The following TRPM3 variants were observed in gnomAD, a reference collection of about 807,000 sequenced individuals.
TRPM3 encodes long transient receptor potential channel 3.
TRPM3 carries 77 observed loss-of-function variants against 181.2 expected under a neutral mutation model. The ratio of observed to expected loss-of-function variants is 0.42; its 90% CI spans 0.35 to 0.51. The LOEUF (loss-of-function observed/expected upper bound fraction) is 0.51. TRPM3 is among the 20% of genes least tolerant of loss of function. The pLI is 0.01. For missense variants in TRPM3, 1,759 were observed against 2,196.7 expected (o/e 0.80, Z 3.98); for synonymous variants, 745 against 796.4 (o/e 0.94, Z 1.09).
intron 1 of TRPM3, among the ~76,000 whole-genome samples, chr9:71,111,777 T>C (rs946183858): frequency 1.3e-5 from 2 of 152,218 alleles, no homozygotes; most frequent in Non-Finnish European, 2.9e-5. Flanking sequence ...CTTTCCAATA[T>C]TTTCTTCTAG....
intron 9 of TRPM3, among the ~76,000 whole-genome samples, chr9:70,674,857 CA>C (rs2063689891): frequency 6.7e-6 from 1 of 150,028 alleles, no homozygotes; most frequent in Admixed American, 6.7e-5. Flanking sequence ...TGAGCCATTG[CA>C]CCCAGCATAT....
At chr9:70,943,773 C>CT (rs1281495043) in intron 1 of TRPM3, among the ~76,000 whole-genome samples, 4 of 152,066 alleles carry the variant, frequency 2.6e-5, no homozygotes, top group Non-Finnish European at 5.9e-5. Flanking sequence ...TGATTTCTTT[C>CT]TTTTTTCTTT....
intron 8 of TRPM3, among the ~76,000 whole-genome samples, chr9:70,700,798 G>A (rs2072277623): frequency 6.6e-6 from 1 of 152,178 alleles, no homozygotes; most frequent in Non-Finnish European, 1.5e-5. Flanking sequence ...ATGTAGACGT[G>A]CACACATGTA....
chr9:71,021,828 A>G (rs1486209237), intron 1 of TRPM3, among the ~76,000 whole-genome samples: 1 of 152,204 alleles, frequency 6.6e-6, no homozygotes, highest in Non-Finnish European at 1.5e-5. Flanking sequence ...GAAGGAATAG[A>G]GATGAACTGA....
chr9:71,249,006 C>T (rs1201623209), intron 1 of TRPM3, among the ~76,000 whole-genome samples: 1 of 152,112 alleles, frequency 6.6e-6, no homozygotes, highest in African/African-American at 2.4e-5. Context: ...TTTTAAAGAG[C>T]AGGCAATGAA....
At chr9:71,320,330 A>C (rs571621644) in intron 1 of TRPM3, among the ~76,000 whole-genome samples, 3 of 152,202 alleles carry the variant, frequency 2.0e-5, no homozygotes, top group South Asian at 2.1e-4. Context: ...AAAAAAAAAA[A>C]AACAAATGCT....
intron 1 of TRPM3, among the ~76,000 whole-genome samples, chr9:70,943,212 T>G (rs565258756): frequency 6.1e-4 from 93 of 152,342 alleles, no homozygotes; most frequent in African/African-American, 2.2e-3. Context: ...GGCTGAAGTA[T>G]AATCTCTTGC....
At chr9:71,060,672 C>T (rs2061227494) in intron 1 of TRPM3, among the ~76,000 whole-genome samples, 1 of 152,132 alleles carries the variant, frequency 6.6e-6, no homozygotes, top group Non-Finnish European at 1.5e-5. Context: ...CATCTGTTTG[C>T]TTGACTCCTT....
chr9:70,952,566 C>G (rs1166873008), intron 1 of TRPM3, among the ~76,000 whole-genome samples: 2 of 152,128 alleles, frequency 1.3e-5, no homozygotes, highest in African/African-American at 4.8e-5. Flanking sequence ...AAAACATGGT[C>G]AGTTTTTGGA....
chr9:70,759,208 C>T (rs922242317), intron 8 of TRPM3, among the ~76,000 whole-genome samples: 5 of 152,052 alleles, frequency 3.3e-5, no homozygotes, highest in East Asian at 3.9e-4. Flanking sequence ...AGACACTTAA[C>T]GCAGCTAACA....
chr9:70,543,514 G>A (rs2044042503), intron 25 of TRPM3, among the ~76,000 whole-genome samples: 1 of 151,798 alleles, frequency 6.6e-6, no homozygotes, highest in South Asian at 2.1e-4. Context: ...CCCAGCCTCT[G>A]GTAACCATCC....
intron 1 of TRPM3, among the ~76,000 whole-genome samples, chr9:71,100,066 T>C (rs938140393): frequency 2.6e-5 from 4 of 152,194 alleles, no homozygotes; most frequent in Admixed American, 6.6e-5. Flanking sequence ...TCAGATCTTA[T>C]TGGTCACATC....
chr9:70,948,968 T>C (rs931062484), intron 1 of TRPM3, among the ~76,000 whole-genome samples: 2 of 152,174 alleles, frequency 1.3e-5, no homozygotes, highest in Non-Finnish European at 2.9e-5. Context: ...CTTGATGTTG[T>C]GTTTTTAGGG....
chr9:71,346,877 G>A (rs184425390), intron 1 of TRPM3, among the ~76,000 whole-genome samples: 5 of 40,848 alleles, frequency 1.2e-4, no homozygotes, highest in Admixed American at 3.4e-4. Flanking sequence ...AATCTGTTTC[G>A]TATTTTTATT....
At chr9:71,004,675 A>C (rs1267399711) in intron 1 of TRPM3, among the ~76,000 whole-genome samples, 1 of 152,236 alleles carries the variant, frequency 6.6e-6, no homozygotes, top group Non-Finnish European at 1.5e-5. Context: ...CAAAATTCAG[A>C]ATAGTCCTCT....
chr9:71,316,547 T>C (rs2088609453), intron 1 of TRPM3, among the ~76,000 whole-genome samples: 1 of 152,116 alleles, frequency 6.6e-6, no homozygotes, highest in Admixed American at 6.6e-5. Context: ...CCCTTCTGTC[T>C]GAGATAAAAG....
At chr9:71,125,234 C>T (rs962496019), upstream of TRPM3, among the ~76,000 whole-genome samples, 4 of 152,100 alleles carry the variant, frequency 2.6e-5, no homozygotes, top group African/African-American at 7.2e-5. Context: ...CCAGTATACA[C>T]GTGCAGGATG....
intron 1 of TRPM3, among the ~76,000 whole-genome samples, chr9:71,419,741 TACC>T (rs1170611469): frequency 3.3e-5 from 5 of 151,960 alleles, no homozygotes; most frequent in Non-Finnish European, 5.9e-5. Context: ...ATGCACATTT[TACC>T]ACAATTAAAA....
intron 7 of TRPM3, chr9:70,775,541 G>C (rs538278572): frequency 4.9e-4 from 74 of 152,274 alleles, no homozygotes; most frequent in African/African-American, 1.7e-3. Flanking sequence ...CTGTAGGTCA[G>C]GGGTCTTCAA....
Sources: allele counts gnomAD v4.1 joint callset (sites outside exome capture counted in the v4.1 genomes callset), GRCh38; gene constraint gnomAD v4.1.1; transcripts MANE v1.5; gene names NCBI Gene and HGNC (gene_info 2026-07-23, HGNC 2026-07-21).